TACC1: variants seen among roughly 807,000 people sequenced by gnomAD.
The protein encoded by TACC1 is transforming acidic coiled-coil containing protein 1, also known as transforming acidic coiled-coil-containing protein 1.
A neutral mutation model predicts 84.4 loss-of-function variants in TACC1; 48 were observed. That is an observed-to-expected ratio of 0.57 (90% CI 0.45 to 0.72). The LOEUF (loss-of-function observed/expected upper bound fraction) is 0.72, where lower values mean the gene tolerates loss of function less well. Ranked by LOEUF, TACC1 falls within the 30% of genes least tolerant of loss-of-function variation. TACC1 has a pLI of 0.00. For missense variants in TACC1, 920 were observed against 973.0 expected (o/e 0.95, Z 0.72); for synonymous variants, 372 against 376.3 (o/e 0.99, Z 0.13).
chr8:38,835,886 C>T (rs889725050), intron 6 of TACC1, among the ~76,000 whole-genome samples: 7 of 152,328 alleles, frequency 4.6e-5, no homozygotes, highest in Admixed American at 1.3e-4. Context: ...TGACTGACCG[C>T]TATTATAAGT....
chr8:38,797,655 G>A (rs1309317762), intron 2 of TACC1, among the ~76,000 whole-genome samples: 5 of 152,282 alleles, frequency 3.3e-5, no homozygotes, highest in African/African-American at 1.2e-4. Context: ...AGCTCCATGT[G>A]GGTGGTTGCT....
chr8:38,828,154 A>G (rs1828512553), intron 5 of TACC1: 1 of 152,270 alleles, frequency 6.6e-6, no homozygotes, highest in Non-Finnish European at 1.5e-5. Context: ...TAGAGAAATA[A>G]CAACTGACAT....
In TACC1 at chr8:38,737,720, G is replaced by A. The variant is rs114526616; in HGVS notation, c.-674-4631G>A. On this transcript the variant is annotated intron_variant, in intron 1 of 14. Transcript: ENST00000518415. ...CCATCTAGACAATAGAGCTCAGATT[G>A]GGAGCCATTCTTTTTTTTTTTTTTG... 6.6e-3 allele frequency among the ~76,000 whole-genome samples: 995 copies of A among 151,648 alleles called. 12 individuals are homozygous for A. Among genetic ancestry groups the A allele is most frequent in the African/African-American group, 0.023 (955 of 41,308 alleles).
intron 6 of TACC1, among the ~76,000 whole-genome samples, chr8:38,831,794 C>G (rs1231578518): frequency 6.6e-6 from 1 of 151,094 alleles, no homozygotes; most frequent in Non-Finnish European, 1.5e-5. Context: ...CTGCACCTGG[C>G]TGGTTTACTC....
In TACC1 at chr8:38,820,564, T is replaced by C; in HGVS notation, c.1320T>C (p.Phe440=). Residue 440 remains phenylalanine (F), a synonymous_variant, in exon 3 of 13, where the codon TTT becomes TTC. Coordinates refer to ENST00000317827, the MANE Select transcript of TACC1 (RefSeq NM_006283.3). ...KPTTTLTSSD[F]CSPTGNHVNE... is the part of the protein sequence containing the mutation. ...CTACGACCTTAACAAGCAGTGACTTTTGTTCTCCCACTGGTAATCACGTTA... is the reference window on the plus strand; with the variant it reads ...CTACGACCTTAACAAGCAGTGACTTCTGTTCTCCCACTGGTAATCACGTTA... 6.2e-7 allele frequency: 1 copy of C among 1,614,058 alleles called. No homozygotes were observed. The highest frequency in any genetic ancestry group is 2.2e-5 in the East Asian group (1 of 44,882).
intron 6 of TACC1, among the ~76,000 whole-genome samples, chr8:38,832,105 C>T (rs753236866): frequency 2.6e-5 from 4 of 152,246 alleles, no homozygotes; most frequent in Non-Finnish European, 5.9e-5. Context: ...CTGCGCCCAG[C>T]CCATTTACTC....
At chr8:38,823,830 A>C (rs1827422280) in intron 3 of TACC1, among the ~76,000 whole-genome samples, 1 of 152,214 alleles carries the variant, frequency 6.6e-6, no homozygotes, top group African/African-American at 2.4e-5. Context: ...ACTGGTGATA[A>C]CATTCATGAA....
intron 10 of TACC1, 55 bp downstream of exon 10, chr8:38,842,502 G>A (rs766198578): frequency 1.6e-5 from 25 of 1,521,594 alleles, no homozygotes; most frequent in Non-Finnish European, 2.1e-5. Context: ...GTATTTCCTT[G>A]GTAACTGGTC....
chr8:38,845,939 G>T (rs1832144007), intron 11 of TACC1, among the ~76,000 whole-genome samples: 1 of 152,124 alleles, frequency 6.6e-6, no homozygotes, highest in Non-Finnish European at 1.5e-5. Context: ...TGCTAATGAG[G>T]CTTTAGCATC....
intron 5 of TACC1, chr8:38,827,737 T>C (rs1365988377): frequency 4.0e-6 from 1 of 250,578 alleles, no homozygotes; most frequent in African/African-American, 2.3e-5. Context: ...GAAAAAGAGG[T>C]TTATTTGGTT....
intron 2 of TACC1, among the ~76,000 whole-genome samples, chr8:38,814,394 G>A (rs774439508): frequency 3.9e-5 from 6 of 152,204 alleles, no homozygotes; most frequent in Non-Finnish European, 5.9e-5. Context: ...ATGTGATCAT[G>A]TAAGATTATA....
intron 3 of TACC1, among the ~76,000 whole-genome samples, chr8:38,823,481 T>C (rs1293108499): frequency 6.6e-6 from 1 of 152,182 alleles, no homozygotes; most frequent in Non-Finnish European, 1.5e-5. Flanking sequence ...ATGCAACCAA[T>C]GCATTAAATA....
At chr8:38,788,616 G>T in intron 1 of TACC1, 88 bp from the exon 2 acceptor site, 1 of 1,061,214 alleles carries the variant, frequency 9.4e-7, no homozygotes, top group South Asian at 1.5e-5. Flanking sequence ...AAAAGTGCTG[G>T]ACTTTTAGCC....
chr8:38,742,569 G>A (rs1427924419), intron 2 of TACC1: 4 of 735,634 alleles, frequency 5.4e-6, no homozygotes, highest in Non-Finnish European at 8.5e-6. Context: ...TGTGAATGAA[G>A]GAAATAATGA....
chr8:38,817,774 T>C (rs968980241), intron 2 of TACC1, among the ~76,000 whole-genome samples: 14 of 152,016 alleles, frequency 9.2e-5, no homozygotes, highest in African/African-American at 3.4e-4. Context: ...GAGAAAGGTG[T>C]GTGAATGCTT....
At position 38,787,363 on chromosome 8, in the gene TACC1, C is replaced by T. The variant is rs1405092960; in HGVS notation, c.-220C>T. 8 of 1,319,352 alleles carry T rather than the reference C, an allele frequency of 6.1e-6. No individual in the cohort carries two copies. Among genetic ancestry groups the T allele is most frequent in the Non-Finnish European group, 6.7e-6 (7 of 1,039,612 alleles). The allele number at this position is 1,319,352 out of a possible 1,614,324, so 81.7% of individuals were successfully genotyped here. ...AGCCCGGCGCGGGGCCCGCTGCGGC[C>T]GCACCGTGAGGGGAGGAGGCCGAGG... On this transcript the variant is annotated 5_prime_UTR_variant, in exon 1 of 13. Transcript: ENST00000317827.
chr8:38,846,715 G>A lies in TACC1; in HGVS notation c.2245G>A (p.Ala749Thr). The A allele has an allele frequency of 6.2e-7, 1 of 1,614,120 alleles. No homozygotes were observed. Among genetic ancestry groups the A allele is most frequent in the Non-Finnish European group, 8.5e-7 (1 of 1,180,028 alleles). ...EKLDKANEEI[A>T]QVRTKAKAES... ...CATAAACAGAGCCAATGAAGAGATT[G>A]CTCAGGTTCGAACAAAAGCAAAGGC... The change falls in exon 12 of 13, where the codon GCT (alanine) becomes ACT (threonine). Residue 749 changes from alanine to threonine, a missense_variant. Physicochemically the swap from Ala to Thr is moderately conservative, Grantham distance 58 (BLOSUM62 0). Around this residue, in one of 2 missense-constraint regions of TACC1, gnomAD observed 158 missense variants for 225.6 expected, o/e 0.70. Transcript: ENST00000317827.
At chr8:38,806,905 G>T (rs146502745) in intron 2 of TACC1, among the ~76,000 whole-genome samples, 1 of 152,168 alleles carries the variant, frequency 6.6e-6, no homozygotes, top group Admixed American at 6.5e-5. Flanking sequence ...GCAAGTCCCA[G>T]ATCCCAGTCA....
upstream of TACC1, chr8:38,787,219 C>A (rs1248583387): frequency 3.6e-5 from 36 of 996,368 alleles, 1 homozygote; most frequent in South Asian, 4.7e-5. Flanking sequence ...ATGCGCGCCC[C>A]GCCGGCCGGG....
Sources: allele counts gnomAD v4.1 joint callset (sites outside exome capture counted in the v4.1 genomes callset), GRCh38; gene constraint gnomAD v4.1.1; regional missense constraint gnomAD v4.1.1; transcripts MANE v1.5; gene names NCBI Gene and HGNC (gene_info 2026-07-23, HGNC 2026-07-21).